ZNF326: variants seen among roughly 807,000 people sequenced by gnomAD.
ZNF326 encodes zinc finger protein 326, also known as DBIRD complex subunit ZNF326.
Under a neutral mutation model 63.1 loss-of-function variants are expected in ZNF326, and 30 were observed. That is an observed-to-expected ratio of 0.48 (90% CI 0.36 to 0.64). The LOEUF is 0.64. Among genes scored for constraint, ZNF326 ranks in the 30% least tolerant of loss-of-function variants. ZNF326 has a pLI of 0.00. For synonymous variants in ZNF326, 194 were observed against 228.2 expected (o/e 0.85, Z 1.35); for missense variants, 609 against 720.3 (o/e 0.85, Z 1.77).
Position 90,031,821 on chromosome 1 carries a change from A to G in ZNF326, c.*4120A>G, listed in dbSNP as rs1035725353. On this transcript the variant is annotated 3_prime_UTR_variant, in exon 12 of 12. Transcript: ENST00000340281. ...GTGATCTGCCTGCCTTGGCCTCCCA[A>G]AGTGCTGGGATTATAGGCATGAGCC... 4.6e-5 allele frequency: 7 copies of G among 152,180 alleles called. No homozygotes were observed. The highest frequency in any genetic ancestry group is 6.6e-5 in the Admixed American group (1 of 15,266). 9.4% of individuals were successfully genotyped at this position (152,180 alleles called of 1,614,324 possible).
chr1:90,027,794 C>CGGGCGCGGTGGCT lies in ZNF326; in HGVS notation c.*93_*94insGGGCGCGGTGGCT. On this transcript the variant is annotated 3_prime_UTR_variant, in exon 12 of 12. Transcript: ENST00000340281. The stretch of plus-strand genomic sequence containing the variant: ...AATAGCTTAAAATATGAATTAACAC[C>CGGGCGCGGTGGCT]CATGTTGCATGCATTCCACATATTA... The CGGGCGCGGTGGCT allele has an allele frequency of 8.4e-7, 1 of 1,187,852 alleles. No homozygotes were observed. The highest frequency in any genetic ancestry group is 1.2e-6 in the Non-Finnish European group (1 of 826,022). The allele number at this position is 1,187,852 out of a possible 1,614,324, so 73.6% of individuals were successfully genotyped here.
At chr1:89,995,404 G>A (rs1648305565) in intron 1 of ZNF326, 131 bp downstream of exon 1, 3 of 1,248,116 alleles carry the variant, frequency 2.4e-6, no homozygotes, top group Non-Finnish European at 3.2e-6. Flanking sequence ...CGCCCGCCCC[G>A]GGCCCAGCGC....
Position 90,027,993 on chromosome 1 carries a change from T to C in ZNF326, c.*292T>C, listed in dbSNP as rs771422572. 5.7e-6 allele frequency: 2 copies of C among 349,768 alleles called. No individual in the cohort carries two copies. Among genetic ancestry groups the C allele is most frequent in the Non-Finnish European group, 1.0e-5 (2 of 192,580 alleles). The allele number at this position is 349,768 out of a possible 1,614,324, so 21.7% of individuals were successfully genotyped here. On this transcript the variant is annotated 3_prime_UTR_variant, in exon 12 of 12. Coordinates refer to ENST00000340281, the MANE Select transcript of ZNF326 (RefSeq NM_182976.4). The stretch of plus-strand genomic sequence containing the variant: ...TGTTAAGGATAACAAATGTGTATTG[T>C]TAGTATATCTATTCTAATCATTTTA...
rs944248684 is a variant in ZNF326, at chr1:90,005,242, C to T, written c.207C>T (p.Ser69=). Residue 69 remains serine (S), a splice_region_variant and synonymous_variant, in exon 4 of 12, where the codon AGC becomes AGT. Transcript: ENST00000340281. The part of the protein sequence containing the change: ...MDNHSGGGGG[S]RFGPYESYDS... ...ATCACAGTGGTGGTGGTGGGGGTAG[C>T]AGGTAAATTGCTTAATCATTTGGCC... 1.9e-6 allele frequency: 3 copies of T among 1,609,570 alleles called. No individual in the cohort carries two copies. Among genetic ancestry groups the T allele is most frequent in the Non-Finnish European group, 2.5e-6 (3 of 1,178,676 alleles).
In ZNF326 at chr1:90,008,720, A is replaced by T. The variant is rs77311902; in HGVS notation, c.615+970A>T. Among the ~76,000 whole-genome samples the T allele has an allele frequency of 4.3e-4, 66 of 152,318 alleles. 4 individuals are homozygous for T. The East Asian group carries it at 0.013, about 29-fold the overall frequency. On this transcript the variant is annotated intron_variant, in intron 5 of 11. Coordinates refer to ENST00000340281, the MANE Select transcript of ZNF326 (RefSeq NM_182976.4). The stretch of plus-strand genomic sequence containing the variant: ...TTTCTAGTAAAAAAGGTAGTAGGGT[A>T]CACGTTTTTGACTGGTTATTAGCTT...
intron 9 of ZNF326, among the ~76,000 whole-genome samples, chr1:90,019,170 AAAC>A (rs1254689013): frequency 3.3e-5 from 5 of 152,156 alleles, no homozygotes; most frequent in African/African-American, 1.2e-4. Context: ...AAACAAAACA[AAAC>A]AAGAACAAAA....
chr1:90,005,105 T>C (rs1304809772), intron 3 of ZNF326, 28 bp from the exon 4 acceptor site: 1 of 1,613,994 alleles, frequency 6.2e-7, no homozygotes, highest in Non-Finnish European at 8.5e-7. Context: ...GAGCATCATA[T>C]AACTTTTTTC....
intron 7 of ZNF326, 114 bp downstream of exon 7, chr1:90,013,351 C>G (rs749363628): frequency 1.6e-4 from 129 of 792,846 alleles, no homozygotes; most frequent in Non-Finnish European, 2.2e-4. Flanking sequence ...AAGACTTGTT[C>G]AAAGATACAG....
chr1:89,997,801 T>A (rs1648467925), intron 1 of ZNF326, among the ~76,000 whole-genome samples: 1 of 152,252 alleles, frequency 6.6e-6, no homozygotes, highest in Admixed American at 6.5e-5. Context: ...TCTATCTGCC[T>A]TTGTGTTACT....
At chr1:90,011,760 A>G (rs1649257578) in intron 6 of ZNF326, among the ~76,000 whole-genome samples, 1 of 152,204 alleles carries the variant, frequency 6.6e-6, no homozygotes, top group East Asian at 1.9e-4. Context: ...GACTGTCCAT[A>G]TGATCCAGCA....
rs924515097 is a variant in ZNF326, at chr1:90,029,881, T to C, written c.*2180T>C. 2 of 152,244 alleles carry C rather than the reference T, an allele frequency of 1.3e-5. No individual in the cohort carries two copies. The highest frequency in any genetic ancestry group is 1.3e-4 in the Admixed American group (2 of 15,288). The allele number at this position is 152,244 out of a possible 1,614,324, so 9.4% of individuals were successfully genotyped here. On this transcript the variant is annotated 3_prime_UTR_variant, in exon 12 of 12. Transcript: ENST00000340281. ...TTCATGTATTTCCTATTGGATAATT[T>C]GTAGGCGGGCAGTTTACTTTATAGT...
chr1:89,997,531 G>C lies in ZNF326; in HGVS notation c.17-579G>C, dbSNP rs145638727. ...TGGGACTACAGGCACGCACCACCAGGCCCGGCTAATTTTTATATTTCCAGT... is the reference window on the plus strand; with the variant it reads ...TGGGACTACAGGCACGCACCACCAGCCCCGGCTAATTTTTATATTTCCAGT... On this transcript the variant is annotated intron_variant, in intron 1 of 11. Coordinates refer to ENST00000340281, the MANE Select transcript of ZNF326 (RefSeq NM_182976.4). Among the ~76,000 whole-genome samples the C allele has an allele frequency of 3.2e-3, 490 of 152,026 alleles. 3 individuals carry two copies. The highest frequency in any genetic ancestry group is 0.011 in the African/African-American group (443 of 41,442).
At chr1:90,016,678 C>G (rs1441189184) in intron 7 of ZNF326, among the ~76,000 whole-genome samples, 6 of 150,912 alleles carry the variant, frequency 4.0e-5, no homozygotes, top group Non-Finnish European at 8.8e-5. Flanking sequence ...GATCGCACCA[C>G]TGCACTCCAG....
Position 89,995,186 on chromosome 1 carries a change from G to T in ZNF326, c.-72G>T, listed in dbSNP as rs1254408134. 3 of 1,506,878 alleles carry T rather than the reference G, an allele frequency of 2.0e-6. No individual in the cohort carries two copies. Among genetic ancestry groups the T allele is most frequent in the Non-Finnish European group, 8.9e-7 (1 of 1,126,982 alleles). The allele number at this position is 1,506,878 out of a possible 1,614,324, so 93.3% of individuals were successfully genotyped here. A position where few individuals can be genotyped will look rare whatever the true frequency, so the allele number is the denominator to read the frequency against. On this transcript the variant is annotated 5_prime_UTR_variant, in exon 1 of 12. Coordinates refer to ENST00000340281, the MANE Select transcript of ZNF326 (RefSeq NM_182976.4). ...GCGCGGAGTGATCGTGTGGAATCGC[G>T]GGTCGCGGACGCTCGCCGCCGGCCA...
chr1:90,010,811 C>G (rs1422917875), intron 6 of ZNF326, among the ~76,000 whole-genome samples: 4 of 151,848 alleles, frequency 2.6e-5, no homozygotes, highest in African/African-American at 4.8e-5. Flanking sequence ...AATATATTTT[C>G]TATAATATAA....
chr1:89,995,406 G>A, intron 1 of ZNF326, 133 bp downstream of exon 1: 2 of 1,239,234 alleles, frequency 1.6e-6, no homozygotes, highest in Non-Finnish European at 2.1e-6. Flanking sequence ...CCCGCCCCGG[G>A]CCCAGCGCCC....
chr1:90,006,276 AT>A, intron 4 of ZNF326: 1 of 981,896 alleles, frequency 1.0e-6, no homozygotes, highest in South Asian at 4.7e-5. Flanking sequence ...AAGTAAATCT[AT>A]TTAGTGATCT....
At chr1:90,024,252 A>G (rs1193735999) in intron 11 of ZNF326, among the ~76,000 whole-genome samples, 2 of 152,174 alleles carry the variant, frequency 1.3e-5, no homozygotes, top group Non-Finnish European at 2.9e-5. Context: ...AAAACAAAAC[A>G]AAACAACTTT....
At chr1:90,005,789 A>G (rs746569351) in intron 4 of ZNF326, 20 of 985,002 alleles carry the variant, frequency 2.0e-5, no homozygotes, top group South Asian at 4.7e-5. Flanking sequence ...AATTATGTTC[A>G]GGTTATTTAT....
Sources: gnomAD v4.1 joint callset for allele counts (sites outside exome capture counted in the v4.1 genomes callset) on GRCh38, gnomAD v4.1.1 for gene constraint, MANE v1.5 for transcripts, NCBI Gene and HGNC (gene_info 2026-07-23, HGNC 2026-07-21) for gene names.